Variants in C6 observed in about 807,000 individuals in gnomAD.
C6 encodes the protein complement component C6.
A neutral mutation model predicts 112.9 loss-of-function variants in C6; 101 were observed. The observed-to-expected ratio is 0.89, with a 90% confidence interval of 0.76 to 1.06. C6 has a LOEUF of 1.06. Among genes scored for constraint, C6 ranks in the 50% least tolerant of loss-of-function variants. The probability of loss-of-function intolerance (pLI) is 0.00; values close to 1 mark genes in which losing one functional copy is unlikely to be tolerated. For synonymous variants in C6, 431 were observed against 384.1 expected (o/e 1.12, Z -1.43); for missense variants, 1,202 against 1,104.6 (o/e 1.09, Z -1.25).
chr5:41,214,152 G>C (rs1752103729), upstream of C6, among the ~76,000 whole-genome samples: 2 of 152,158 alleles, frequency 1.3e-5, no homozygotes, highest in Admixed American at 1.3e-4. Flanking sequence ...TATAGGGACT[G>C]AGAATGTGGA....
intron 9 of C6, among the ~76,000 whole-genome samples, chr5:41,166,308 T>C (rs562619692): frequency 8.7e-4 from 132 of 152,272 alleles, no homozygotes; most frequent in South Asian, 6.6e-3. Flanking sequence ...ATTTCACAAA[T>C]TTATGCTCAA....
At chr5:41,258,060 GA>G (rs1272989590) in intron 1 of C6, among the ~76,000 whole-genome samples, 2 of 151,582 alleles carry the variant, frequency 1.3e-5, no homozygotes, top group Non-Finnish European at 2.9e-5. Flanking sequence ...CAACAACAAA[GA>G]AAAAACCCAC....
At chr5:41,184,842 G>A (rs2150331254) in intron 6 of C6, among the ~76,000 whole-genome samples, 1 of 152,200 alleles carries the variant, frequency 6.6e-6, no homozygotes, top group Admixed American at 6.5e-5. Context: ...GTTGTTATGG[G>A]AATCAAGTAA....
At chr5:41,224,569 T>C (rs1460166102) in intron 1 of C6, among the ~76,000 whole-genome samples, 1 of 152,146 alleles carries the variant, frequency 6.6e-6, no homozygotes, top group Non-Finnish European at 1.5e-5. Flanking sequence ...GTTGACCATG[T>C]ATTAGTATGT....
At chr5:41,205,676 G>A (rs951852397) in intron 1 of C6, among the ~76,000 whole-genome samples, 2 of 152,218 alleles carry the variant, frequency 1.3e-5, no homozygotes, top group African/African-American at 4.8e-5. Flanking sequence ...TGGCGGAGGG[G>A]TGCCCGCCTT....
At position 41,207,101 on chromosome 5, in the gene C6, C is replaced by A. The variant is rs191358364; in HGVS notation, c.-20-3851G>T. ...ATTCTTAAAGAAAAGAATTTTCAAC[C>A]CAGAATTTCGTATCCAGCCAAACTA... On this transcript the variant is annotated intron_variant, in intron 1 of 17. Transcript: ENST00000337836. Among the ~76,000 whole-genome samples, 965 of 152,202 alleles carry A rather than the reference C, an allele frequency of 6.3e-3. 14 individuals carry two copies. The highest frequency in any genetic ancestry group is 0.022 in the African/African-American group (898 of 41,526).
At chr5:41,181,039 T>C (rs989072374) in intron 7 of C6, among the ~76,000 whole-genome samples, 1 of 151,740 alleles carries the variant, frequency 6.6e-6, no homozygotes, top group Admixed American at 6.6e-5. Context: ...AAATATAAAA[T>C]ACAGATTGTC....
At chr5:41,242,362 G>A (rs191373199) in intron 1 of C6, among the ~76,000 whole-genome samples, 2 of 152,274 alleles carry the variant, frequency 1.3e-5, no homozygotes, top group African/African-American at 4.8e-5. Context: ...TGAAGAAGGT[G>A]CCTGCCTCTC....
At chr5:41,172,150 A>T in intron 9 of C6, 75 bp downstream of exon 9, 1 of 1,453,388 alleles carries the variant, frequency 6.9e-7, no homozygotes, top group Middle Eastern at 1.7e-4. Context: ...TAGCACAGTC[A>T]CATCCAATAT....
intron 1 of C6, among the ~76,000 whole-genome samples, chr5:41,210,213 A>T (rs974382531): frequency 3.7e-4 from 56 of 152,382 alleles, no homozygotes; most frequent in African/African-American, 1.0e-3. Flanking sequence ...TACAAAAATT[A>T]ATTCAAGATG....
intron 1 of C6, among the ~76,000 whole-genome samples, chr5:41,229,327 T>C (rs1468201198): frequency 6.7e-6 from 1 of 149,944 alleles, no homozygotes; most frequent in African/African-American, 2.5e-5. Flanking sequence ...TAAACTTCAT[T>C]CAGAACTTTT....
intron 16 of C6, 102 bp from the exon 17 acceptor site, chr5:41,149,584 G>A (rs1746184308): frequency 1.3e-6 from 2 of 1,493,300 alleles, no homozygotes; most frequent in Admixed American, 3.4e-5. Context: ...GTTTTCTTTT[G>A]CCTGTTTTCC....
intron 1 of C6, among the ~76,000 whole-genome samples, chr5:41,244,050 C>T (rs908049064): frequency 2.0e-5 from 3 of 152,166 alleles, no homozygotes; most frequent in African/African-American, 7.2e-5. Context: ...CTACATTTAT[C>T]TCTTTGACTC....
intron 1 of C6, among the ~76,000 whole-genome samples, chr5:41,256,069 G>C (rs1337498357): frequency 6.6e-6 from 1 of 152,148 alleles, no homozygotes; most frequent in Non-Finnish European, 1.5e-5. Flanking sequence ...ATAGTTTACT[G>C]AGAATGATGG....
At chr5:41,144,627 G>A (rs1321631415) in intron 17 of C6, among the ~76,000 whole-genome samples, 1 of 152,066 alleles carries the variant, frequency 6.6e-6, no homozygotes. Flanking sequence ...CATGTGTTAA[G>A]TTTGTTATAT....
rs540160177 is a variant in C6, at chr5:41,247,306, A to G, written c.-21+13888T>C. On this transcript the variant is annotated intron_variant, in intron 1 of 17. Transcript: ENST00000263413. ...CTAGAAAACCCTAATGCCTCCTCCA[A>G]AAGTCTCCTGGAATGACGTCAGTAA... Among the ~76,000 whole-genome samples, 12 of 152,296 alleles carry G rather than the reference A, an allele frequency of 7.9e-5. No individual in the cohort carries two copies. In the South Asian group the frequency reaches 2.5e-3, roughly 32 times the overall value.
intron 4 of C6, among the ~76,000 whole-genome samples, chr5:41,196,206 G>A (rs191801487): frequency 1.3e-5 from 2 of 151,842 alleles, no homozygotes; most frequent in South Asian, 2.1e-4. Context: ...ACAGTGAGCC[G>A]CTATAGAGAT....
At chr5:41,250,357 C>A (rs1055404028) in intron 1 of C6, among the ~76,000 whole-genome samples, 1 of 152,174 alleles carries the variant, frequency 6.6e-6, no homozygotes, top group Non-Finnish European at 1.5e-5. Flanking sequence ...TTTCTAAGCA[C>A]GTTTTTAGAG....
intron 1 of C6, among the ~76,000 whole-genome samples, chr5:41,250,376 T>C (rs909947277): frequency 2.6e-5 from 4 of 152,234 alleles, no homozygotes; most frequent in Non-Finnish European, 4.4e-5. Context: ...AGCTGTTGTC[T>C]ACCTGTGGTC....
Sources: gnomAD v4.1 joint callset for allele counts (sites outside exome capture counted in the v4.1 genomes callset) on GRCh38, gnomAD v4.1.1 for gene constraint, MANE v1.5 for transcripts, NCBI Gene and HGNC (gene_info 2026-07-23, HGNC 2026-07-21) for gene names.